The following IRAG2 variants were observed in gnomAD, a reference collection of about 807,000 sequenced individuals.
IRAG2 encodes the protein inositol 1,4,5-triphosphate receptor associated 2.
Under a neutral mutation model 69.9 loss-of-function variants are expected in IRAG2, and 45 were observed. The observed-to-expected ratio is 0.64, with a 90% CI of 0.51 to 0.83. The LOEUF (loss-of-function observed/expected upper bound fraction) is 0.83. Ranked by LOEUF, IRAG2 falls within the 40% of genes least tolerant of loss-of-function variation. The pLI is 0.00. For synonymous variants in IRAG2, 193 were observed against 202.4 expected, an observed-to-expected ratio of 0.95 and a Z score of 0.40; for missense variants, 520 against 587.0, an observed-to-expected ratio of 0.89 and a Z score of 1.18.
Position 25,096,933 on chromosome 12 carries a change from T to C in IRAG2, c.630T>C (p.Asp210=). ...LLESLTPLCE[D]DNQAQEIIKK... The stretch of plus-strand genomic sequence containing the variant: ...AGTCTTTAACACCTCTGTGTGAAGA[T>C]GACAACCAGGCACAGGAAATCATTA... The change falls in exon 15 of 22, where the codon GAT becomes GAC. Residue 210 remains aspartate, a synonymous_variant. Coordinates refer to ENST00000556887, the MANE Select transcript of IRAG2 (RefSeq NM_001366544.2). 1.2e-6 allele frequency: 2 copies of C among 1,613,552 alleles called. No homozygotes were observed. The highest frequency in any genetic ancestry group is 1.7e-6 in the Non-Finnish European group (2 of 1,179,730).
chr12:25,046,706 C>A (rs908131132), intron 16 of IRAG2, among the ~76,000 whole-genome samples: 1 of 152,056 alleles, frequency 6.6e-6, no homozygotes, highest in African/African-American at 2.4e-5. Context: ...AGGCATCCTA[C>A]GTTCATAGAT....
At chr12:25,007,008 CTTG>C (rs1198677480) in intron 2 of IRAG2, among the ~76,000 whole-genome samples, 3 of 152,070 alleles carry the variant, frequency 2.0e-5, no homozygotes, top group Non-Finnish European at 2.9e-5. Flanking sequence ...TTGTTAGTGA[CTTG>C]TTGTATATCT....
upstream of IRAG2, among the ~76,000 whole-genome samples, chr12:25,001,771 T>G (rs868839646): frequency 7.5e-5 from 7 of 93,744 alleles, no homozygotes; most frequent in African/African-American, 3.0e-4. Flanking sequence ...ACTCTTTTGG[T>G]TTTTTTTTTT....
intron 1 of IRAG2, 82 bp downstream of exon 1, chr12:25,053,038 A>T: frequency 2.5e-6 from 1 of 397,566 alleles, no homozygotes; most frequent in Non-Finnish European, 4.4e-6. Context: ...TTTCTAGATT[A>T]CAGCTAGGAT....
At chr12:25,084,848 G>T (rs2140137110) in intron 10 of IRAG2, among the ~76,000 whole-genome samples, 1 of 152,312 alleles carries the variant, frequency 6.6e-6, no homozygotes, top group East Asian at 1.9e-4. Context: ...GAATGCTCAA[G>T]TCTCTTATAT....
intron 4 of IRAG2, among the ~76,000 whole-genome samples, chr12:25,065,738 C>A (rs565365634): frequency 1.3e-5 from 2 of 152,226 alleles, no homozygotes; most frequent in Non-Finnish European, 2.9e-5. Context: ...GGCACGAACA[C>A]GGCTCACTGC....
chr12:25,089,956 G>A, intron 13 of IRAG2, 101 bp from the exon 14 acceptor site: 4 of 1,356,980 alleles, frequency 2.9e-6, no homozygotes, highest in Non-Finnish European at 4.1e-6. Context: ...GTTGCTGGGG[G>A]GAGAAAGAAA....
At chr12:25,096,164 G>T (rs955383655) in intron 14 of IRAG2, among the ~76,000 whole-genome samples, 2 of 151,906 alleles carry the variant, frequency 1.3e-5, no homozygotes, top group African/African-American at 4.8e-5. Flanking sequence ...GATTTTTTTT[G>T]AACATTTCTA....
At chr12:25,106,036 C>CTATT (rs1949076463) in intron 20 of IRAG2, among the ~76,000 whole-genome samples, 1 of 152,016 alleles carries the variant, frequency 6.6e-6, no homozygotes, top group Admixed American at 6.6e-5. Flanking sequence ...CAATCAATTG[C>CTATT]TATTTCCCAG....
intron 9 of IRAG2, among the ~76,000 whole-genome samples, chr12:25,081,192 G>A (rs1402219945): frequency 3.3e-5 from 5 of 152,206 alleles, no homozygotes; most frequent in Non-Finnish European, 5.9e-5. Flanking sequence ...GCTGGGCGTG[G>A]TGGCTCACGC....
At position 25,063,397 on chromosome 12, in the gene IRAG2, A is replaced by G. The variant is rs138192205; in HGVS notation, c.-303-323A>G. Among the ~76,000 whole-genome samples, 355 of 152,240 alleles carry G rather than the reference A, an allele frequency of 2.3e-3. 2 individuals carry two copies. Among genetic ancestry groups the G allele is most frequent in the African/African-American group, 8.0e-3 (333 of 41,552 alleles). ...CAGTATCACGAAGAATTATGTAACT[A>G]AGTTTATTCCTCACCTATACCTCTT... On this transcript the variant is annotated intron_variant, in intron 3 of 21. Coordinates refer to ENST00000556887, the MANE Select transcript of IRAG2 (RefSeq NM_001366544.2).
rs566582527 is a variant in IRAG2 at position 25,064,865 on chromosome 12, G to A, written c.-207+1049G>A. ...TGCACTTTGGGAGGCCGAGGTGGGC[G>A]GATTGCTTGAGGTCAGGAGTTGGAG... On this transcript the variant is annotated intron_variant, in intron 4 of 21. Coordinates refer to ENST00000556887, the MANE Select transcript of IRAG2 (RefSeq NM_001366544.2). Among the ~76,000 whole-genome samples the A allele has an allele frequency of 5.3e-5, 8 of 152,246 alleles. No individual in the cohort carries two copies. In the South Asian group the frequency reaches 8.3e-4, roughly 16 times the overall value.
At chr12:25,089,828 T>C (rs1396193254) in intron 13 of IRAG2, 38 bp downstream of exon 13, 1 of 1,599,870 alleles carries the variant, frequency 6.3e-7, no homozygotes. Flanking sequence ...TTTAAAAAAG[T>C]GTTCCAGACT....
chr12:25,036,232 G>A (rs997302984), intron 14 of IRAG2, among the ~76,000 whole-genome samples: 8 of 152,108 alleles, frequency 5.3e-5, no homozygotes, highest in Non-Finnish European at 1.0e-4. Context: ...CATATAGTAG[G>A]TAGCATTTAG....
intron 16 of IRAG2, among the ~76,000 whole-genome samples, chr12:25,046,541 G>T (rs1944795927): frequency 6.6e-6 from 1 of 151,998 alleles, no homozygotes; most frequent in Non-Finnish European, 1.5e-5. Flanking sequence ...GTTTATATAT[G>T]AGCAACATTG....
intron 2 of IRAG2, among the ~76,000 whole-genome samples, chr12:25,062,377 A>G (rs1945689790): frequency 6.6e-6 from 1 of 151,956 alleles, no homozygotes; most frequent in African/African-American, 2.4e-5. Flanking sequence ...AGCTGGAAAA[A>G]CCTCCATATC....
At position 25,096,800 on chromosome 12, in the gene IRAG2, C is replaced by T. The variant is rs1032625033; in HGVS notation, c.607-110C>T. On this transcript the variant is annotated intron_variant, in intron 14 of 21. Coordinates refer to ENST00000556887, the MANE Select transcript of IRAG2 (RefSeq NM_001366544.2). ...CTTTGCTGCTTCTTTTCATCTTCCA[C>T]CGAAATAATTGAGATTAGAATGTCA... 1.7e-5 allele frequency: 13 copies of T among 775,548 alleles called. No individual in the cohort carries two copies. In the African/African-American group the frequency reaches 2.3e-4, roughly 14 times the overall value. The allele number at this position is 775,548 out of a possible 1,614,324, so 48.0% of individuals were successfully genotyped here.
chr12:25,070,405 G>A (rs1419667766), intron 6 of IRAG2, among the ~76,000 whole-genome samples: 1 of 152,156 alleles, frequency 6.6e-6, no homozygotes, highest in African/African-American at 2.4e-5. Context: ...TTTCAGTTAA[G>A]GTTCTCAAGG....
At chr12:25,048,279 C>T (rs1944813496), upstream of IRAG2, among the ~76,000 whole-genome samples, 1 of 151,964 alleles carries the variant, frequency 6.6e-6, no homozygotes, top group Non-Finnish European at 1.5e-5. Flanking sequence ...CTGTTCCTGT[C>T]CTTTGCCCAC....
Sources: gnomAD v4.1 joint callset for allele counts (sites outside exome capture counted in the v4.1 genomes callset) on GRCh38, gnomAD v4.1.1 for gene constraint, MANE v1.5 for transcripts, NCBI Gene and HGNC (gene_info 2026-07-23, HGNC 2026-07-21) for gene names.